Variants in WT1 observed in about 807,000 individuals in gnomAD.
The protein encoded by WT1 is WT1 transcription factor.
In WT1, 8 loss-of-function variants were observed where a neutral mutation model predicts 60.8. The ratio of observed to expected loss-of-function variants is 0.13; its 90% CI spans 0.08 to 0.24. The LOEUF (loss-of-function observed/expected upper bound fraction) is 0.24, where lower values mean the gene tolerates loss of function less well. WT1 is among the 10% of genes least tolerant of loss of function. The probability of loss-of-function intolerance (pLI) is 1.00; values close to 1 mark genes in which losing one functional copy is unlikely to be tolerated. For synonymous variants in WT1, 312 were observed against 297.1 expected (o/e 1.05, Z -0.52); for missense variants, 568 against 711.8 (o/e 0.80, Z 2.30).
Position 32,389,030 on chromosome 11 carries a change from A to G in WT1, c.*28T>C. 3.1e-6 allele frequency: 5 copies of G among 1,614,122 alleles called. No homozygotes were observed. Among genetic ancestry groups the G allele is most frequent in the Non-Finnish European group, 4.2e-6 (5 of 1,180,004 alleles). On this transcript the variant is annotated 3_prime_UTR_variant, in exon 10 of 10. Transcript: ENST00000452863. ...CAGTTCACACACTGTGCTGCCTGGG[A>G]CACTGAACGGTCCCCGAGGGAGACC...
chr11:32,395,986 A>G (rs577273346), intron 7 of WT1, among the ~76,000 whole-genome samples: 1 of 152,128 alleles, frequency 6.6e-6, no homozygotes, highest in Non-Finnish European at 1.5e-5. Context: ...CACCAACACG[A>G]TTCCTACACA....
intron 3 of WT1, among the ~76,000 whole-genome samples, chr11:32,420,352 T>A (rs1022048938): frequency 1.3e-5 from 2 of 152,176 alleles, no homozygotes; most frequent in African/African-American, 4.8e-5. Flanking sequence ...ATCTGTTCAA[T>A]GGGAATATTA....
At position 32,414,129 on chromosome 11, in the gene WT1, T is replaced by C. The variant is rs76902402; in HGVS notation, c.1016+2361A>G. ...GTATGTTCTACAGTGTGAGAGAAGA[T>C]GGTAGGCAATTAGCTAATTGTAATT... On this transcript the variant is annotated intron_variant, in intron 5 of 9. Transcript: ENST00000452863. Among the ~76,000 whole-genome samples the C allele has an allele frequency of 2.0e-4, 30 of 152,320 alleles. No homozygotes were observed. The East Asian group carries it at 5.8e-3, about 29-fold the overall frequency.
chr11:32,416,395 G>T, intron 5 of WT1, 95 bp downstream of exon 5: 2 of 1,497,382 alleles, frequency 1.3e-6, no homozygotes, highest in South Asian at 1.1e-5. Context: ...ATGCTACCCT[G>T]ATTACCCACG....
At chr11:32,391,383 A>G (rs1355433379) in intron 9 of WT1, among the ~76,000 whole-genome samples, 2 of 152,204 alleles carry the variant, frequency 1.3e-5, no homozygotes, top group Admixed American at 6.5e-5. Context: ...AGGTGGTGCT[A>G]TTTTTATTAT....
At chr11:32,414,868 A>G (rs7116462) in intron 5 of WT1, among the ~76,000 whole-genome samples, 49,981 of 148,078 alleles carry the variant, frequency 0.34, 9,748 homozygotes, top group East Asian at 0.72. Context: ...GTGGGACTCC[A>G]TATCAAAAAA....
chr11:32,409,671 A>T (rs890201963), intron 5 of WT1, among the ~76,000 whole-genome samples: 32 of 152,016 alleles, frequency 2.1e-4, no homozygotes, highest in African/African-American at 7.7e-4. Context: ...TGCTATATTG[A>T]CCAGGCTGGT....
chr11:32,400,213 C>T (rs1053415747), intron 5 of WT1, 169 bp from the exon 6 acceptor site: 5 of 790,242 alleles, frequency 6.3e-6, no homozygotes, highest in Non-Finnish European at 1.1e-5. Flanking sequence ...CTGCGGAGGG[C>T]GAGGCCCCTG....
At chr11:32,401,870 G>A (rs1057087681) in intron 5 of WT1, among the ~76,000 whole-genome samples, 1 of 152,138 alleles carries the variant, frequency 6.6e-6, no homozygotes, top group African/African-American at 2.4e-5. Flanking sequence ...CTCCAGGTGG[G>A]ATTAAACTGG....
intron 1 of WT1, among the ~76,000 whole-genome samples, chr11:32,430,970 G>A (rs1853287800): frequency 6.6e-6 from 1 of 152,216 alleles, no homozygotes. Flanking sequence ...GGAGCAGCGT[G>A]TTCAAAGGCT....
At chr11:32,429,024 G>C (rs1439766905) in intron 1 of WT1, 2 of 335,440 alleles carry the variant, frequency 6.0e-6, no homozygotes, top group Non-Finnish European at 5.9e-6. Context: ...CAAGCGAAAT[G>C]AATCTGCTGG....
At chr11:32,432,398 C>T (rs751080996) in intron 1 of WT1, among the ~76,000 whole-genome samples, 2 of 152,214 alleles carry the variant, frequency 1.3e-5, no homozygotes, top group South Asian at 2.1e-4. Flanking sequence ...AAAGAATAAA[C>T]CCAGAATCTC....
At chr11:32,430,432 CAGAGAG>C in intron 1 of WT1, 9 of 1,083,770 alleles carry the variant, frequency 8.3e-6, no homozygotes, top group South Asian at 1.7e-5. Context: ...GAGACAGACA[CAGAGAG>C]AGAGAGAGAG....
At chr11:32,424,160 CAAAAAAA>C (rs10690035) in intron 3 of WT1, among the ~76,000 whole-genome samples, 3 of 92,226 alleles carry the variant, frequency 3.3e-5, no homozygotes, top group South Asian at 3.9e-4. Context: ...GATGCCATCT[CAAAAAAA>C]AAAAAAAAAA....
At chr11:32,391,845 C>A (rs1334350827) in intron 9 of WT1, 127 bp downstream of exon 9, 1 of 929,452 alleles carries the variant, frequency 1.1e-6, no homozygotes, top group Non-Finnish European at 1.8e-6. Context: ...CGCACTATTC[C>A]TTCTCTCAAC....
At chr11:32,399,266 A>G (rs192430340) in intron 6 of WT1, among the ~76,000 whole-genome samples, 1 of 152,080 alleles carries the variant, frequency 6.6e-6, no homozygotes, top group Admixed American at 6.6e-5. Flanking sequence ...CAGTGAAACT[A>G]TTCTGTATGA....
Position 32,388,769 on chromosome 11 carries a change from T to C in WT1, c.*289A>G. 1.9e-6 allele frequency: 1 copy of C among 513,882 alleles called. No individual in the cohort carries two copies. Among genetic ancestry groups the C allele is most frequent in the Admixed American group, 3.3e-5 (1 of 30,716 alleles). 31.8% of individuals were successfully genotyped at this position (513,882 alleles called of 1,614,324 possible). A position where few individuals can be genotyped will look rare whatever the true frequency, so the allele number is the denominator to read the frequency against. ...TCAGGGGGACATGATCAGCTATGGC[T>C]CTTCTTACAGTAGAAAATCCACACC... is the stretch of plus-strand genomic sequence containing the variant. On this transcript the variant is annotated 3_prime_UTR_variant, in exon 10 of 10. Transcript: ENST00000452863.
At chr11:32,423,582 G>A (rs1027271909) in intron 3 of WT1, among the ~76,000 whole-genome samples, 2 of 152,234 alleles carry the variant, frequency 1.3e-5, no homozygotes, top group African/African-American at 2.4e-5. Flanking sequence ...AAAGAGAATG[G>A]CACTTATCCA....
At chr11:32,398,740 C>A (rs1014974184) in intron 6 of WT1, among the ~76,000 whole-genome samples, 3 of 151,732 alleles carry the variant, frequency 2.0e-5, no homozygotes, top group Non-Finnish European at 2.9e-5. Flanking sequence ...GTGTGTATTG[C>A]AGATGAAATG....
Sources: allele counts gnomAD v4.1 joint callset (sites outside exome capture counted in the v4.1 genomes callset), GRCh38; gene constraint gnomAD v4.1.1; transcripts MANE v1.5; gene names NCBI Gene and HGNC (gene_info 2026-07-23, HGNC 2026-07-21).